Variants in DGUOK observed in about 807,000 individuals in gnomAD.
DGUOK encodes the protein deoxyguanosine kinase, mitochondrial.
In DGUOK, 30 loss-of-function variants were observed where a neutral mutation model predicts 36.6. The observed-to-expected ratio is 0.82, with a 90% CI of 0.61 to 1.11. The LOEUF is 1.11. DGUOK is among the 50% of genes most tolerant of loss of function. The probability of loss-of-function intolerance (pLI) is 0.00; values close to 1 mark genes in which losing one functional copy is unlikely to be tolerated. For missense variants in DGUOK, 361 were observed against 336.4 expected (o/e 1.07, Z -0.57); for synonymous variants, 145 against 126.3 (o/e 1.15, Z -0.99).
intron 3 of DGUOK, among the ~76,000 whole-genome samples, chr2:73,950,200 TATA>T (rs1573558214): frequency 6.6e-6 from 1 of 152,176 alleles, no homozygotes; most frequent in Non-Finnish European, 1.5e-5. Context: ...TGGGCCTTGC[TATA>T]ATAATAATAA....
At chr2:73,934,741 C>A (rs1410550785) in intron 1 of DGUOK, among the ~76,000 whole-genome samples, 1 of 116,720 alleles carries the variant, frequency 8.6e-6, no homozygotes, top group Non-Finnish European at 1.8e-5. Context: ...GGCAATAGAG[C>A]AAGACTCTGT....
At chr2:73,939,739 C>CGT (rs1681757670) in intron 2 of DGUOK, among the ~76,000 whole-genome samples, 1 of 152,236 alleles carries the variant, frequency 6.6e-6, no homozygotes, top group African/African-American at 2.4e-5. Context: ...GTTCTTAACT[C>CGT]TAATTACTAA....
chr2:73,929,127 C>A (rs554871385), intron 1 of DGUOK, among the ~76,000 whole-genome samples: 37 of 152,316 alleles, frequency 2.4e-4, no homozygotes, highest in African/African-American at 8.9e-4. Context: ...CGCTTCCCCT[C>A]CTTTGGTGTG....
intron 1 of DGUOK, among the ~76,000 whole-genome samples, chr2:73,931,096 G>A (rs112087757): frequency 0.011 from 1,746 of 152,050 alleles, 34 homozygotes; most frequent in African/African-American, 0.039. Flanking sequence ...GTGCCTGGCC[G>A]ACTCGACATA....
At chr2:73,932,662 C>A in intron 1 of DGUOK, 1 of 1,291,358 alleles carries the variant, frequency 7.7e-7, no homozygotes, top group Non-Finnish European at 1.0e-6. Context: ...GGAAGGTGAA[C>A]CCCTGTCCTG....
chr2:73,930,784 TTTTTTTTTTC>T (rs1220039981), intron 1 of DGUOK, among the ~76,000 whole-genome samples: 37 of 84,988 alleles, frequency 4.4e-4, no homozygotes, highest in African/African-American at 1.3e-3. Flanking sequence ...ATAATTTTCT[TTTTTTTTTTC>T]TTTTTTTTTT....
Position 73,946,777 on chromosome 2 carries a change from G to C in DGUOK, c.314G>C (p.Arg105Pro). ...LLDMMYREPA[R>P]WSYTFQTFSF... Reference sequence around the variant, plus strand: ...GATATGATGTACCGGGAGCCAGCACGATGGTCCTACACATTCCAGACATTT... The same window carrying C: ...GATATGATGTACCGGGAGCCAGCACCATGGTCCTACACATTCCAGACATTT... The change falls in exon 3 of 7, where the codon CGA (arginine) becomes CCA (proline). Residue 105 changes from arginine (R) to proline (P), a missense_variant. Coordinates refer to ENST00000264093, the MANE Select transcript of DGUOK (RefSeq NM_080916.3). 1 of 1,614,134 alleles carries C rather than the reference G, an allele frequency of 6.2e-7. No individual in the cohort carries two copies. The highest frequency in any genetic ancestry group is 8.5e-7 in the Non-Finnish European group (1 of 1,180,034).
At chr2:73,928,404 A>G (rs1348432248) in intron 1 of DGUOK, among the ~76,000 whole-genome samples, 1 of 152,264 alleles carries the variant, frequency 6.6e-6, no homozygotes, top group Non-Finnish European at 1.5e-5. Flanking sequence ...CTGGGATTAT[A>G]GGCGTTAGCC....
intron 1 of DGUOK, among the ~76,000 whole-genome samples, chr2:73,935,065 CTCTG>C (rs1681356206): frequency 1.4e-5 from 2 of 141,372 alleles, no homozygotes; most frequent in African/African-American, 5.2e-5. Flanking sequence ...AACAGCTAGA[CTCTG>C]TCTCAAAAAT....
intron 1 of DGUOK, among the ~76,000 whole-genome samples, chr2:73,928,017 CAAGT>C (rs942510250): frequency 3.3e-5 from 5 of 152,092 alleles, no homozygotes; most frequent in African/African-American, 9.7e-5. Context: ...TCATGGAACT[CAAGT>C]AGGGAGAGAT....
intron 2 of DGUOK, 95 bp from the exon 3 acceptor site, chr2:73,946,624 C>T: frequency 8.9e-7 from 1 of 1,120,180 alleles, no homozygotes; most frequent in African/African-American, 1.5e-5. Flanking sequence ...ATTATTAAAC[C>T]TGTTTGGGGA....
chr2:73,926,895 G>C lies in DGUOK; in HGVS notation c.-16G>C, dbSNP rs765263039. On this transcript the variant is annotated 5_prime_UTR_variant, in exon 1 of 7. Coordinates refer to ENST00000264093, the MANE Select transcript of DGUOK (RefSeq NM_080916.3). ...TGCTCTCGGCGGAAGTGATCGCTGTGTGAATCGTGGGTGGGATGGCCGCGG... is the reference window on the plus strand; with the variant it reads ...TGCTCTCGGCGGAAGTGATCGCTGTCTGAATCGTGGGTGGGATGGCCGCGG... The C allele has an allele frequency of 1.2e-6, 2 of 1,613,322 alleles. No homozygotes were observed. The highest frequency in any genetic ancestry group is 1.1e-5 in the South Asian group (1 of 91,090).
chr2:73,927,383 G>GA (rs1680683550), intron 1 of DGUOK, among the ~76,000 whole-genome samples: 1 of 152,124 alleles, frequency 6.6e-6, no homozygotes, highest in Non-Finnish European at 1.5e-5. Context: ...TCCTAGATAG[G>GA]GTTGCCATAT....
Position 73,957,210 on chromosome 2 carries a change from A to G in DGUOK, c.677A>G (p.His226Arg), listed in dbSNP as rs1345120527. ...LAYLEQLHGQ[H>R]EAWLIHKTTK... ...TATCTAGAGCAGCTGCATGGCCAACACGAAGCCTGGCTTATTCACAAGACA... is the reference window on the plus strand; with the variant it reads ...TATCTAGAGCAGCTGCATGGCCAACGCGAAGCCTGGCTTATTCACAAGACA... Residue 226 changes from histidine (H) to arginine (R), a missense_variant, in exon 5 of 7, where the codon CAC (histidine) becomes CGC (arginine). Transcript: ENST00000264093. The G allele has an allele frequency of 1.2e-6, 2 of 1,614,058 alleles. No homozygotes were observed. The highest frequency in any genetic ancestry group is 1.7e-5 in the Admixed American group (1 of 60,010).
In DGUOK at chr2:73,938,926, G is replaced by C; in HGVS notation, c.159G>C (p.Thr53=). ...GCATTGCAGCTGTGGGAAAGTCCAC[G>C]TTTGTGAAGTTACTCACGAAAACTT... is the stretch of plus-strand genomic sequence containing the variant. ...IEGNIAVGKS[T]FVKLLTKTYP... is the part of the protein sequence containing the mutation. Residue 53 remains threonine, a synonymous_variant, in exon 2 of 7, where the codon ACG becomes ACC. Coordinates refer to ENST00000264093, the MANE Select transcript of DGUOK (RefSeq NM_080916.3). 6.2e-7 allele frequency: 1 copy of C among 1,613,396 alleles called. No individual in the cohort carries two copies. The highest frequency in any genetic ancestry group is 8.5e-7 in the Non-Finnish European group (1 of 1,179,394).
chr2:73,935,418 C>T (rs1388776790), intron 1 of DGUOK, among the ~76,000 whole-genome samples: 1 of 152,108 alleles, frequency 6.6e-6, no homozygotes, highest in African/African-American at 2.4e-5. Flanking sequence ...TAGGAACCCC[C>T]TGTGAACATC....
At chr2:73,935,231 AC>A (rs1681371661) in intron 1 of DGUOK, among the ~76,000 whole-genome samples, 1 of 152,110 alleles carries the variant, frequency 6.6e-6, no homozygotes. Context: ...ACAGAGAGAG[AC>A]CCCCATCTCA....
At chr2:73,942,399 T>C (rs1681969327) in intron 2 of DGUOK, among the ~76,000 whole-genome samples, 1 of 152,228 alleles carries the variant, frequency 6.6e-6, no homozygotes, top group Non-Finnish European at 1.5e-5. Context: ...TATGTGGCTT[T>C]ACAAGTTATA....
intron 1 of DGUOK, among the ~76,000 whole-genome samples, chr2:73,934,478 C>T (rs758215846): frequency 1.3e-5 from 2 of 152,120 alleles, no homozygotes; most frequent in African/African-American, 4.8e-5. Context: ...ACAGGCCGGG[C>T]GATGTGGCTA....
Sources: gnomAD v4.1 joint callset for allele counts (sites outside exome capture counted in the v4.1 genomes callset) on GRCh38, gnomAD v4.1.1 for gene constraint, MANE v1.5 for transcripts, NCBI Gene and HGNC (gene_info 2026-07-23, HGNC 2026-07-21) for gene names.